Variants in CSMD1 observed in about 807,000 individuals in gnomAD.
CSMD1 encodes the protein CUB and Sushi multiple domains 1.
Under a neutral mutation model 417.5 loss-of-function variants are expected in CSMD1, and 213 were observed. The observed-to-expected ratio is 0.51, with a 90% CI of 0.46 to 0.57. CSMD1 has a LOEUF of 0.57. CSMD1 is among the 20% of genes least tolerant of loss of function. The probability of loss-of-function intolerance (pLI) is 0.00; values close to 1 mark genes in which losing one functional copy is unlikely to be tolerated. For missense variants in CSMD1, 6,923 were observed against 4,529.7 expected, an observed-to-expected ratio of 1.53 and a Z score of -15.17; for synonymous variants, 2,862 against 1,736.8, an observed-to-expected ratio of 1.65 and a Z score of -16.11.
At chr8:4,299,904 C>T (rs1242058045) in intron 3 of CSMD1, among the ~76,000 whole-genome samples, 1 of 152,138 alleles carries the variant, frequency 6.6e-6, no homozygotes, top group Non-Finnish European at 1.5e-5. Context: ...GCTAGGATTA[C>T]AGGTATAAGC....
At chr8:3,815,608 C>G (rs766134899) in intron 5 of CSMD1, among the ~76,000 whole-genome samples, 2 of 144,056 alleles carry the variant, frequency 1.4e-5, no homozygotes, top group South Asian at 4.5e-4. Flanking sequence ...TTAAAAATGT[C>G]TATCACTGCT....
At chr8:4,271,196 G>A (rs1804570676) in intron 3 of CSMD1, among the ~76,000 whole-genome samples, 1 of 152,050 alleles carries the variant, frequency 6.6e-6, no homozygotes, top group African/African-American at 2.4e-5. Context: ...ATGGATAGAT[G>A]TAAACATATA....
intron 26 of CSMD1, among the ~76,000 whole-genome samples, chr8:3,254,333 G>A (rs1800486272): frequency 6.6e-6 from 1 of 152,070 alleles, no homozygotes; most frequent in South Asian, 2.1e-4. Context: ...TAACTTTGGT[G>A]AATCTGACAA....
intron 3 of CSMD1, among the ~76,000 whole-genome samples, chr8:4,153,146 T>C (rs1052872612): frequency 6.6e-5 from 10 of 152,188 alleles, no homozygotes; most frequent in African/African-American, 1.9e-4. Context: ...TACTGAATCT[T>C]GACTGTGGTG....
At chr8:4,902,367 T>C (rs528959210) in intron 1 of CSMD1, among the ~76,000 whole-genome samples, 88 of 151,004 alleles carry the variant, frequency 5.8e-4, no homozygotes, top group African/African-American at 1.7e-3. Context: ...AGCCCAGGAG[T>C]TGAAGACTGC....
chr8:3,726,744 T>C (rs1195369613), intron 6 of CSMD1, among the ~76,000 whole-genome samples: 1 of 152,160 alleles, frequency 6.6e-6, no homozygotes. Flanking sequence ...AACTTGCCAG[T>C]CCAGTTCTCA....
intron 1 of CSMD1, among the ~76,000 whole-genome samples, chr8:4,758,753 C>T (rs1250125488): frequency 2.0e-5 from 3 of 152,088 alleles, no homozygotes; most frequent in Non-Finnish European, 2.9e-5. Context: ...ATGAAACCAC[C>T]AGATCTGGTG....
chr8:3,393,155 G>T (rs1453247560), intron 17 of CSMD1, among the ~76,000 whole-genome samples: 2 of 152,096 alleles, frequency 1.3e-5, no homozygotes, highest in East Asian at 1.9e-4. Context: ...TAAGTCAGAG[G>T]AATAGGTGAC....
chr8:4,119,910 T>A (rs1802383518), intron 3 of CSMD1, among the ~76,000 whole-genome samples: 1 of 151,700 alleles, frequency 6.6e-6, no homozygotes, highest in South Asian at 2.1e-4. Context: ...CTGGTAAGGG[T>A]AGTGGGAGGG....
rs553763340 is a variant in CSMD1 at position 4,239,592 on chromosome 8, C to T, written c.415+180361G>A. On this transcript the variant is annotated intron_variant, in intron 3 of 69. Transcript: ENST00000635120. ...AACCCTCCAGTAAATCCCCTAGCCACCTGCCTCTCTTAGAAGGCATTTCCA... is the reference window on the plus strand; with the variant it reads ...AACCCTCCAGTAAATCCCCTAGCCATCTGCCTCTCTTAGAAGGCATTTCCA... Among the ~76,000 whole-genome samples, 229 of 152,288 alleles carry T rather than the reference C, an allele frequency of 1.5e-3. 1 individual carries two copies. Among genetic ancestry groups the T allele is most frequent in the Non-Finnish European group, 1.6e-3 (108 of 68,028 alleles).
chr8:4,235,915 C>T (rs902384075), intron 3 of CSMD1, among the ~76,000 whole-genome samples: 9 of 152,256 alleles, frequency 5.9e-5, no homozygotes, highest in African/African-American at 1.9e-4. Context: ...CCGCAGCTTC[C>T]GCCAACAAAC....
At chr8:3,645,059 T>C (rs1797511119) in intron 7 of CSMD1, among the ~76,000 whole-genome samples, 1 of 149,948 alleles carries the variant, frequency 6.7e-6, no homozygotes, top group Admixed American at 6.6e-5. Context: ...CTCATGAAGA[T>C]CCAGCAGCCT....
intron 2 of CSMD1, among the ~76,000 whole-genome samples, chr8:4,618,694 T>C (rs1442708496): frequency 6.6e-6 from 1 of 152,142 alleles, no homozygotes; most frequent in Admixed American, 6.6e-5. Flanking sequence ...GCTAAAATAT[T>C]AGATCCAAAA....
intron 3 of CSMD1, among the ~76,000 whole-genome samples, chr8:4,066,373 T>G (rs2554696): frequency 6.6e-6 from 1 of 152,188 alleles, no homozygotes; most frequent in African/African-American, 2.4e-5. Context: ...TAAGTCCCAC[T>G]CAGCGCAGGG....
chr8:4,654,351 G>C (rs991055759), intron 1 of CSMD1, among the ~76,000 whole-genome samples: 3 of 152,112 alleles, frequency 2.0e-5, no homozygotes, highest in Non-Finnish European at 2.9e-5. Flanking sequence ...AACAACTCCA[G>C]CAGTATAATT....
At chr8:3,943,834 G>T (rs189500504) in intron 5 of CSMD1, among the ~76,000 whole-genome samples, 1 of 152,210 alleles carries the variant, frequency 6.6e-6, no homozygotes, top group East Asian at 1.9e-4. Context: ...AAAGGATATG[G>T]AAGGAAAAAA....
intron 3 of CSMD1, among the ~76,000 whole-genome samples, chr8:4,036,039 C>A (rs1423738339): frequency 1.3e-5 from 2 of 152,154 alleles, no homozygotes; most frequent in South Asian, 2.1e-4. Flanking sequence ...GACACATATA[C>A]TGACCATTAT....
intron 2 of CSMD1, among the ~76,000 whole-genome samples, chr8:4,474,628 C>T (rs1394756767): frequency 6.6e-6 from 1 of 152,126 alleles, no homozygotes; most frequent in Non-Finnish European, 1.5e-5. Flanking sequence ...TTCCTGGGTG[C>T]CCTCAGGAAT....
intron 33 of CSMD1, among the ~76,000 whole-genome samples, chr8:3,195,612 G>T (rs919925043): frequency 6.6e-6 from 1 of 152,076 alleles, no homozygotes; most frequent in Admixed American, 6.5e-5. Context: ...GTATAACCAC[G>T]GCCAGTAATG....
Sources: gnomAD v4.1 joint callset for allele counts (sites outside exome capture counted in the v4.1 genomes callset) on GRCh38, gnomAD v4.1.1 for gene constraint, MANE v1.5 for transcripts, NCBI Gene and HGNC (gene_info 2026-07-23, HGNC 2026-07-21) for gene names.